EAF2: variants seen among roughly 807,000 people sequenced by gnomAD.
The protein encoded by EAF2 is ELL associated factor 2, also known as ELL-associated factor 2.
EAF2 carries 29 observed loss-of-function variants against 29.4 expected under a neutral mutation model. The observed-to-expected ratio is 0.99, with a 90% CI of 0.73 to 1.35. The LOEUF (loss-of-function observed/expected upper bound fraction) is 1.35, where lower values mean the gene tolerates loss of function less well. Ranked by LOEUF, EAF2 falls within the 40% of genes most tolerant of loss-of-function variation. The pLI, the probability that EAF2 is intolerant of heterozygous loss-of-function variation, is 0.00. For synonymous variants in EAF2, 103 were observed against 102.5 expected, an observed-to-expected ratio of 1.00 and a Z score of -0.03; for missense variants, 292 against 312.0, an observed-to-expected ratio of 0.94 and a Z score of 0.48.
intron 1 of EAF2, 149 bp downstream of exon 1, chr3:121,835,540 C>T (rs1220890411): frequency 4.3e-6 from 3 of 698,964 alleles, no homozygotes; most frequent in Non-Finnish European, 7.4e-6. Flanking sequence ...ATCCTCTAAC[C>T]TGCTCGGAGT....
At chr3:121,851,220 C>T (rs1708626452) in intron 2 of EAF2, among the ~76,000 whole-genome samples, 1 of 152,184 alleles carries the variant, frequency 6.6e-6, no homozygotes, top group South Asian at 2.1e-4. Context: ...TTCTGCCACT[C>T]AGGCTGGAGT....
At chr3:121,882,103 C>T (rs1300616815) in intron 5 of EAF2, among the ~76,000 whole-genome samples, 1 of 152,060 alleles carries the variant, frequency 6.6e-6, no homozygotes, top group Non-Finnish European at 1.5e-5. Flanking sequence ...AATCCCAGCA[C>T]TTTGGGAGGA....
intron 4 of EAF2, among the ~76,000 whole-genome samples, chr3:121,861,135 A>G (rs1708822332): frequency 6.6e-6 from 1 of 152,140 alleles, no homozygotes; most frequent in African/African-American, 2.4e-5. Context: ...TCTGAGAAGG[A>G]TGTATATTCT....
At chr3:121,840,490 AAAAAAAAAAAAAAAAAAAG>A (rs1344343774) in intron 1 of EAF2, among the ~76,000 whole-genome samples, 2 of 76,966 alleles carry the variant, frequency 2.6e-5, no homozygotes, top group Non-Finnish European at 2.6e-5. Flanking sequence ...ACTTCGTCTA[AAAAAAAAAAAAAAAAAAAG>A]AAAAAAAAAA....
chr3:121,876,182 A>G (rs1709092281), intron 5 of EAF2, among the ~76,000 whole-genome samples: 1 of 152,006 alleles, frequency 6.6e-6, no homozygotes, highest in Non-Finnish European at 1.5e-5. Context: ...AAACTACAAA[A>G]GAATAGTCTG....
intron 2 of EAF2, among the ~76,000 whole-genome samples, 165 bp from the exon 3 acceptor site, chr3:121,854,522 G>C (rs1208067056): frequency 6.6e-6 from 1 of 151,908 alleles, no homozygotes; most frequent in Non-Finnish European, 1.5e-5. Flanking sequence ...ATCTTCATCT[G>C]TCTTTTTTAC....
intron 4 of EAF2, among the ~76,000 whole-genome samples, chr3:121,872,107 C>T (rs1456380847): frequency 2.0e-5 from 3 of 151,804 alleles, no homozygotes; most frequent in Non-Finnish European, 4.4e-5. Flanking sequence ...GATGCTTCAT[C>T]AAAATGTTCT....
At chr3:121,860,445 G>C (rs1431356712) in intron 4 of EAF2, among the ~76,000 whole-genome samples, 1 of 152,114 alleles carries the variant, frequency 6.6e-6, no homozygotes, top group Non-Finnish European at 1.5e-5. Flanking sequence ...CGATTTTCTA[G>C]TTTATTTGCA....
At chr3:121,840,488 T>TAA (rs1221757062) in intron 1 of EAF2, among the ~76,000 whole-genome samples, 41 of 34,954 alleles carry the variant, frequency 1.2e-3, no homozygotes, top group South Asian at 3.8e-3. Flanking sequence ...AGACTTCGTC[T>TAA]AAAAAAAAAA....
intron 5 of EAF2, among the ~76,000 whole-genome samples, chr3:121,882,618 T>C (rs1320385284): frequency 1.3e-5 from 2 of 152,016 alleles, no homozygotes; most frequent in African/African-American, 4.8e-5. Context: ...AGAAATAAAA[T>C]ACTCTTAATT....
chr3:121,854,639 G>T, intron 2 of EAF2, 48 bp from the exon 3 acceptor site: 1 of 1,425,230 alleles, frequency 7.0e-7, no homozygotes, highest in South Asian at 1.6e-5. Flanking sequence ...CTTCCCAAGT[G>T]AATTCCTATG....
At chr3:121,879,656 A>T (rs1234259230) in intron 5 of EAF2, among the ~76,000 whole-genome samples, 2 of 142,326 alleles carry the variant, frequency 1.4e-5, no homozygotes, top group African/African-American at 2.6e-5. Flanking sequence ...TCTCAGCACC[A>T]TTTATTGAAG....
intron 2 of EAF2, among the ~76,000 whole-genome samples, 175 bp from the exon 3 acceptor site, chr3:121,854,512 A>G (rs1369135692): frequency 6.6e-6 from 1 of 152,076 alleles, no homozygotes; most frequent in Non-Finnish European, 1.5e-5. Context: ...ATTTCAGCCT[A>G]TCTTCATCTG....
intron 5 of EAF2, among the ~76,000 whole-genome samples, chr3:121,880,844 T>A (rs1011960184): frequency 6.6e-6 from 1 of 152,218 alleles, no homozygotes; most frequent in Admixed American, 6.5e-5. Flanking sequence ...CCATTTAGTA[T>A]AATGTTAACT....
chr3:121,853,985 C>T (rs1708675110), intron 2 of EAF2, among the ~76,000 whole-genome samples: 1 of 151,844 alleles, frequency 6.6e-6, no homozygotes, highest in Admixed American at 6.6e-5. Flanking sequence ...TAAGAAAATG[C>T]CAGATTTTAA....
intron 5 of EAF2, among the ~76,000 whole-genome samples, chr3:121,876,466 CA>C (rs1368963372): frequency 5.3e-5 from 8 of 151,268 alleles, no homozygotes; most frequent in African/African-American, 1.7e-4. Context: ...CAGTAGTGAA[CA>C]AAAAAATAGA....
chr3:121,856,728 A>G (rs1287201457), intron 3 of EAF2, among the ~76,000 whole-genome samples: 2 of 151,944 alleles, frequency 1.3e-5, no homozygotes, highest in Admixed American at 1.3e-4. Context: ...TAATCCTCCC[A>G]CTTCAGCCTC....
chr3:121,839,150 A>G (rs759637981), intron 1 of EAF2, among the ~76,000 whole-genome samples: 12 of 152,216 alleles, frequency 7.9e-5, no homozygotes, highest in Middle Eastern at 3.2e-3. Context: ...GGTCCACACC[A>G]TTGTTGTTTT....
chr3:121,842,789 A>C (rs909085946), intron 1 of EAF2, among the ~76,000 whole-genome samples: 2 of 152,110 alleles, frequency 1.3e-5, no homozygotes. Flanking sequence ...TTTAAAACTT[A>C]TTTCCCTCAG....
Sources: gnomAD v4.1 joint callset for allele counts (sites outside exome capture counted in the v4.1 genomes callset) on GRCh38, gnomAD v4.1.1 for gene constraint, MANE v1.5 for transcripts, NCBI Gene and HGNC (gene_info 2026-07-23, HGNC 2026-07-21) for gene names.